ASXL2: variants seen among roughly 807,000 people sequenced by gnomAD.
The protein encoded by ASXL2 is putative Polycomb group protein ASXL2.
In ASXL2, 23 loss-of-function variants were observed where a neutral mutation model predicts 122.0. The ratio of observed to expected loss-of-function variants is 0.19; its 90% CI spans 0.14 to 0.27. The LOEUF (loss-of-function observed/expected upper bound fraction) is 0.27. Ranked by LOEUF, ASXL2 falls within the 10% of genes least tolerant of loss-of-function variation. The pLI, the probability that ASXL2 is intolerant of heterozygous loss-of-function variation, is 1.00. For synonymous variants in ASXL2, 650 were observed against 637.0 expected (o/e 1.02, Z -0.31); for missense variants, 1,518 against 1,713.8 (o/e 0.89, Z 2.02).
At chr2:25,775,290 G>T (rs1423590196) in intron 5 of ASXL2, among the ~76,000 whole-genome samples, 4 of 152,164 alleles carry the variant, frequency 2.6e-5, no homozygotes, top group Admixed American at 2.6e-4. Context: ...ACCACGCCCA[G>T]CTAATTTTTG....
intron 1 of ASXL2, among the ~76,000 whole-genome samples, chr2:25,866,258 G>A (rs959487530): frequency 2.0e-5 from 3 of 151,676 alleles, no homozygotes; most frequent in South Asian, 2.1e-4. Flanking sequence ...AGCCTCCCAA[G>A]TAGCTGGGAC....
At chr2:25,745,938 G>A (rs999375798) in intron 12 of ASXL2, among the ~76,000 whole-genome samples, 1 of 152,022 alleles carries the variant, frequency 6.6e-6, no homozygotes, top group African/African-American at 2.4e-5. Context: ...GAGCCACCAC[G>A]CCTGGCTGAA....
At chr2:25,806,444 C>G in intron 3 of ASXL2, 107 bp from the exon 4 acceptor site, 1 of 672,122 alleles carries the variant, frequency 1.5e-6, no homozygotes, top group South Asian at 2.2e-5. Flanking sequence ...ACTCCTTTGA[C>G]TTAAACATAT....
chr2:25,735,773 A>AAC lies in ASXL2; in HGVS notation c.*6254_*6255dup, dbSNP rs2087725276. 6.6e-6 allele frequency: 1 copy of AAC among 152,224 alleles called. No individual in the cohort carries two copies. Among genetic ancestry groups the AAC allele is most frequent in the African/African-American group, 2.4e-5 (1 of 41,466 alleles). The allele number at this position is 152,224 out of a possible 1,614,324, so 9.4% of individuals were successfully genotyped here. A position where few individuals can be genotyped will look rare whatever the true frequency, so the allele number is the denominator to read the frequency against. ...TTCTATAGACAACTTTAGCTATTCC[A>AAC]ACAATAGTTCTCAAAAAAGGTGCAT... On this transcript the variant is annotated 3_prime_UTR_variant, in exon 13 of 13. Transcript: ENST00000435504.
intron 1 of ASXL2, among the ~76,000 whole-genome samples, chr2:25,853,953 G>A (rs1272610897): frequency 6.6e-6 from 1 of 152,000 alleles, no homozygotes; most frequent in African/African-American, 2.4e-5. Context: ...AAAAGGTGAG[G>A]GAAAATGCAA....
Position 25,855,908 on chromosome 2 carries a change from T to TTTAC in ASXL2, c.58-10346_58-10345insGTAA, listed in dbSNP as rs559690724. ...ATTTATTTATTTATTTATTTATTTA[T>TTTAC]TTAGAGACAGAGTCTCGCTCTGTCG... is the stretch of plus-strand genomic sequence containing the variant. On this transcript the variant is annotated intron_variant, in intron 1 of 12. Coordinates refer to ENST00000435504, the MANE Select transcript of ASXL2 (RefSeq NM_018263.6). Among the ~76,000 whole-genome samples, 27 of 151,202 alleles carry TTTAC rather than the reference T, an allele frequency of 1.8e-4. No homozygotes were observed. The South Asian group carries it at 5.4e-3, about 30-fold the overall frequency.
chr2:25,825,513 T>C (rs1029921548), intron 3 of ASXL2, among the ~76,000 whole-genome samples: 2 of 152,232 alleles, frequency 1.3e-5, no homozygotes, highest in African/African-American at 4.8e-5. Context: ...CTACTCTAGG[T>C]ATCTCATATA....
intron 3 of ASXL2, among the ~76,000 whole-genome samples, chr2:25,828,848 A>AAAC (rs35120438): frequency 6.7e-6 from 1 of 150,184 alleles, no homozygotes; most frequent in African/African-American, 2.4e-5. Flanking sequence ...AAAAAAAAAA[A>AAAC]CAACAACCTT....
chr2:25,751,346 A>C (rs945573337), intron 11 of ASXL2, among the ~76,000 whole-genome samples: 4 of 152,188 alleles, frequency 2.6e-5, no homozygotes, highest in Admixed American at 2.6e-4. Context: ...TCTGCTTAAG[A>C]AGGAGGGAAT....
chr2:25,744,040 T>C lies in ASXL2; in HGVS notation c.2297A>G (p.His766Arg), dbSNP rs1411542204. 6 of 1,613,934 alleles carry C rather than the reference T, an allele frequency of 3.7e-6. No homozygotes were observed. The highest frequency in any genetic ancestry group is 3.4e-6 in the Non-Finnish European group (4 of 1,179,812). ...CTGTAGTTGTGCTCCAGAGACACTA[T>C]GAGGCTGTGCCTGGCTTGGGGTGGT... ...TKTTPSQAQP[H>R]SVSGAQLQQT... is the part of the protein sequence containing the mutation. The change falls in exon 13 of 13, where the codon CAT becomes CGT. Residue 766 changes from histidine (H) to arginine (R), a missense_variant. Transcript: ENST00000435504. This position sits in a 1 kb window ranked among gnomAD's most constrained non-coding sequence, Gnocchi z 4.7.
In ASXL2 at chr2:25,759,659, G is replaced by GC; in HGVS notation, c.776-15_776-14insG. 6.2e-7 allele frequency: 1 copy of GC among 1,601,474 alleles called. No individual in the cohort carries two copies. Among genetic ancestry groups the GC allele is most frequent in the Non-Finnish European group, 8.5e-7 (1 of 1,170,672 alleles). The stretch of plus-strand genomic sequence containing the variant: ...TTTTCATTTGTCCTACAAAAACAGA[G>GC]AAGAATCGTTTGGGCCTCCCTCACA... On this transcript the variant is annotated splice_polypyrimidine_tract_variant and intron_variant, in intron 8 of 12. Transcript: ENST00000435504.
chr2:25,814,116 A>G (rs2089206111), intron 3 of ASXL2, among the ~76,000 whole-genome samples: 1 of 152,238 alleles, frequency 6.6e-6, no homozygotes, highest in Non-Finnish European at 1.5e-5. Context: ...GCAAATCTGG[A>G]TATAATTTTC....
rs1487850172 is a variant in ASXL2 at position 25,862,746 on chromosome 2, C to T, written c.57+15420G>A. Among the ~76,000 whole-genome samples, 3 of 151,882 alleles carry T rather than the reference C, an allele frequency of 2.0e-5. No individual in the cohort carries two copies. In the East Asian group the frequency reaches 5.8e-4, roughly 30 times the overall value. ...TCCCAAGTAGCTGGGATTACAGGTACAAACCACCATGCCCTGCTAATTTTT... is the reference window on the plus strand; with the variant it reads ...TCCCAAGTAGCTGGGATTACAGGTATAAACCACCATGCCCTGCTAATTTTT... On this transcript the variant is annotated intron_variant, in intron 1 of 12. Coordinates refer to ENST00000435504, the MANE Select transcript of ASXL2 (RefSeq NM_018263.6).
At chr2:25,776,415 C>G (rs1471722645) in intron 5 of ASXL2, among the ~76,000 whole-genome samples, 2 of 152,186 alleles carry the variant, frequency 1.3e-5, no homozygotes, top group African/African-American at 4.8e-5. Context: ...AGCTGATGAA[C>G]ATTTGGATTG....
chr2:25,872,314 A>G (rs1305850089), intron 1 of ASXL2, among the ~76,000 whole-genome samples: 3 of 152,118 alleles, frequency 2.0e-5, no homozygotes, highest in Admixed American at 2.0e-4. Context: ...CCTGGGAGGC[A>G]GAAGCTGCAG....
Position 25,740,716 on chromosome 2 carries a change from T to C in ASXL2, c.*1313A>G. On this transcript the variant is annotated 3_prime_UTR_variant, in exon 13 of 13. Transcript: ENST00000435504. ...TTTTCCTTCCTTTCCAGATGTTCCC[T>C]TAGCCATTCAGAGGCCTCTTTCCAT... 4.7e-6 allele frequency: 1 copy of C among 214,594 alleles called. No homozygotes were observed. The highest frequency in any genetic ancestry group is 9.4e-6 in the Non-Finnish European group (1 of 106,366). 13.3% of individuals were successfully genotyped at this position (214,594 alleles called of 1,614,324 possible).
At position 25,768,795 on chromosome 2, in the gene ASXL2, T is replaced by C. The variant is rs1470706911; in HGVS notation, c.578A>G (p.His193Arg). 1 of 1,613,908 alleles carries C rather than the reference T, an allele frequency of 6.2e-7. No individual in the cohort carries two copies. The highest frequency in any genetic ancestry group is 1.1e-5 in the South Asian group (1 of 91,076). Residue 193 changes from histidine to arginine, a missense_variant, in exon 7 of 13, where the codon CAT (histidine) becomes CGT (arginine). By Grantham distance (29) the His-to-Arg change is conservative. Coordinates refer to ENST00000435504, the MANE Select transcript of ASXL2 (RefSeq NM_018263.6). The part of the protein sequence containing the change: ...RPSISISSNQ[H>R]LSLKTVKAAS... ...TGCTTTGACAGTCTTTAGTGAGAGA[T>C]GCTGGTTGGAGGAGATGGATATGCT...
chr2:25,802,706 C>T (rs2089018613), intron 4 of ASXL2, among the ~76,000 whole-genome samples: 1 of 152,170 alleles, frequency 6.6e-6, no homozygotes. Context: ...GGAACTTTCA[C>T]TCACTCCCCA....
chr2:25,872,661 AG>A (rs943273400), intron 1 of ASXL2, among the ~76,000 whole-genome samples: 2 of 152,212 alleles, frequency 1.3e-5, no homozygotes, highest in Non-Finnish European at 2.9e-5. Flanking sequence ...AACTATAGAG[AG>A]GAAAAATTTT....
Sources: allele counts gnomAD v4.1 joint callset (sites outside exome capture counted in the v4.1 genomes callset), GRCh38; gene constraint gnomAD v4.1.1; non-coding constraint Gnocchi (gnomAD v3.1); transcripts MANE v1.5; gene names NCBI Gene and HGNC (gene_info 2026-07-23, HGNC 2026-07-21).